MIR2052HG: variants seen among roughly 807,000 people sequenced by gnomAD.
MIR2052HG encodes MIR2052 host gene.
chr8:74,633,424 C>G (rs1417804869), intron 2 of MIR2052HG: 2 of 152,150 alleles, frequency 1.3e-5, no homozygotes, highest in East Asian at 3.9e-4. Context: ...ACTTGTCAGG[C>G]ACAAGTAAGA....
intron 2 of MIR2052HG, among the ~76,000 whole-genome samples, chr8:74,680,670 C>A (rs1809112987): frequency 6.6e-6 from 1 of 152,174 alleles, no homozygotes; most frequent in South Asian, 2.1e-4. Flanking sequence ...CCTCAGGGAT[C>A]TAGAACTAGA....
intron 2 of MIR2052HG, among the ~76,000 whole-genome samples, chr8:74,660,566 A>G (rs905883897): frequency 6.6e-6 from 1 of 152,218 alleles, no homozygotes; most frequent in African/African-American, 2.4e-5. Flanking sequence ...TTCCTTGGAA[A>G]ATAAAATATT....
intron 4 of MIR2052HG, among the ~76,000 whole-genome samples, chr8:74,726,985 T>C (rs1809643718): frequency 6.6e-6 from 1 of 152,228 alleles, no homozygotes; most frequent in East Asian, 1.9e-4. Flanking sequence ...AAAATGAACA[T>C]TACATCAGCT....
chr8:74,667,856 G>A (rs1808948184), intron 2 of MIR2052HG, among the ~76,000 whole-genome samples: 1 of 152,052 alleles, frequency 6.6e-6, no homozygotes, highest in Non-Finnish European at 1.5e-5. Context: ...CCTCCAAAAC[G>A]GGAGTGACTG....
Position 74,666,063 on chromosome 8 carries a change from C to A in MIR2052HG, n.217-36316C>A, listed in dbSNP as rs116443828. 3.0e-3 allele frequency among the ~76,000 whole-genome samples: 450 copies of A among 152,248 alleles called. 1 individual carries two copies. Among genetic ancestry groups the A allele is most frequent in the African/African-American group, 0.01 (431 of 41,552 alleles). ...CTTTTGTCGGCAGTGTGAGAACAGA[C>A]CAATACAACAGCTTAGTTACTTTCA... On this transcript the variant is annotated intron_variant and non_coding_transcript_variant, in intron 2 of 6. Coordinates refer to ENST00000523442, the Ensembl canonical transcript of MIR2052HG.
intron 2 of MIR2052HG, among the ~76,000 whole-genome samples, chr8:74,676,135 GT>G (rs1280929114): frequency 6.6e-6 from 1 of 151,910 alleles, no homozygotes; most frequent in African/African-American, 2.4e-5. Context: ...TTCCAACAAT[GT>G]TTTTTCAAAA....
intron 4 of MIR2052HG, among the ~76,000 whole-genome samples, chr8:74,721,443 C>G (rs902482890): frequency 2.0e-5 from 3 of 152,130 alleles, no homozygotes; most frequent in African/African-American, 7.2e-5. Flanking sequence ...ATGGTACTGA[C>G]TTGGTCAATG....
At chr8:74,733,113 GGTACA>G (rs1809711062) in intron 4 of MIR2052HG, among the ~76,000 whole-genome samples, 1 of 150,776 alleles carries the variant, frequency 6.6e-6, no homozygotes, top group Non-Finnish European at 1.5e-5. Flanking sequence ...TAAGATTTAG[GGTACA>G]TGTGCACAAT....
chr8:74,683,340 GT>G (rs57411323), intron 2 of MIR2052HG, among the ~76,000 whole-genome samples: 4,555 of 152,176 alleles, frequency 0.03, 206 homozygotes, highest in African/African-American at 0.1. Context: ...AAGTCACTCT[GT>G]ATCCCTGAAT....
At chr8:74,638,838 T>C (rs987589503) in intron 2 of MIR2052HG, among the ~76,000 whole-genome samples, 5 of 152,144 alleles carry the variant, frequency 3.3e-5, no homozygotes, top group Non-Finnish European at 7.4e-5. Flanking sequence ...CTGGGCATCA[T>C]CAGGATACGG....
intron 4 of MIR2052HG, among the ~76,000 whole-genome samples, chr8:74,743,794 A>G (rs983090240): frequency 6.6e-6 from 1 of 152,096 alleles, no homozygotes; most frequent in Non-Finnish European, 1.5e-5. Context: ...CCAAGCCCCA[A>G]ACCATTATTT....
intron 2 of MIR2052HG, among the ~76,000 whole-genome samples, chr8:74,676,775 A>G (rs75869937): frequency 0.017 from 2,623 of 152,070 alleles, 36 homozygotes; most frequent in African/African-American, 0.035. Context: ...GAAATTTGCT[A>G]AAAGAGTAGA....
intron 5 of MIR2052HG, among the ~76,000 whole-genome samples, chr8:74,752,899 A>G (rs1267121096): frequency 6.6e-6 from 1 of 152,224 alleles, no homozygotes; most frequent in African/African-American, 2.4e-5. Flanking sequence ...TGTCCCTGAG[A>G]GCATCTCAGA....
rs376809693 is a variant in MIR2052HG at position 74,651,190 on chromosome 8, C to T, written n.216+38250C>T. 1.5e-4 allele frequency among the ~76,000 whole-genome samples: 22 copies of T among 151,680 alleles called. 1 individual carries two copies. The highest frequency in any genetic ancestry group is 9.7e-4 in the East Asian group (5 of 5,140). On this transcript the variant is annotated intron_variant and non_coding_transcript_variant, in intron 2 of 6. Transcript: ENST00000523442. The stretch of plus-strand genomic sequence containing the variant: ...CTGTGTTACATAAGGCCACCATAGC[C>T]GTTGGGAACTGGTTGTTTTTAATGA...
chr8:74,688,943 T>C (rs1002897471), intron 2 of MIR2052HG, among the ~76,000 whole-genome samples: 1 of 152,224 alleles, frequency 6.6e-6, no homozygotes, highest in African/African-American at 2.4e-5. Flanking sequence ...ACTTCCTTTT[T>C]AAAATGAAGG....
At chr8:74,672,095 A>T (rs1333556742) in intron 2 of MIR2052HG, among the ~76,000 whole-genome samples, 1 of 152,182 alleles carries the variant, frequency 6.6e-6, no homozygotes, top group African/African-American at 2.4e-5. Context: ...ATGGCTACCC[A>T]GTAAAGATTA....
intron 4 of MIR2052HG, among the ~76,000 whole-genome samples, chr8:74,747,106 C>G (rs1044688286): frequency 6.6e-6 from 1 of 152,062 alleles, no homozygotes; most frequent in African/African-American, 2.4e-5. Context: ...ATGTGAACAT[C>G]TAGATAATTA....
chr8:74,668,117 G>C (rs1195685316), intron 2 of MIR2052HG, among the ~76,000 whole-genome samples: 1 of 151,748 alleles, frequency 6.6e-6, no homozygotes, highest in African/African-American at 2.4e-5. Context: ...TAGGTGGAAA[G>C]AAATGTAGAA....
intron 2 of MIR2052HG, among the ~76,000 whole-genome samples, chr8:74,631,293 A>G (rs1467626827): frequency 6.6e-6 from 1 of 152,240 alleles, no homozygotes; most frequent in African/African-American, 2.4e-5. Context: ...CATCTTTTCC[A>G]ACAACAAATC....
Sources: gnomAD v4.1 joint callset for allele counts (sites outside exome capture counted in the v4.1 genomes callset) on GRCh38, gnomAD v4.1.1 for gene constraint, MANE v1.5 for transcripts, NCBI Gene and HGNC (gene_info 2026-07-23, HGNC 2026-07-21) for gene names.